CNTNAP2: variants seen among roughly 807,000 people sequenced by gnomAD.
CNTNAP2 encodes the protein contactin associated protein 2.
A neutral mutation model predicts 155.2 loss-of-function variants in CNTNAP2; 98 were observed. That is an observed-to-expected ratio of 0.63 (90% CI 0.54 to 0.75). The LOEUF (loss-of-function observed/expected upper bound fraction) is 0.75. Ranked by LOEUF, CNTNAP2 falls within the 30% of genes least tolerant of loss-of-function variation. CNTNAP2 has a pLI of 0.00. For synonymous variants in CNTNAP2, 651 were observed against 631.2 expected, an observed-to-expected ratio of 1.03 and a Z score of -0.47; for missense variants, 1,727 against 1,688.1, an observed-to-expected ratio of 1.02 and a Z score of -0.40.
intron 9 of CNTNAP2, among the ~76,000 whole-genome samples, chr7:147,337,889 C>A (rs1361722722): frequency 6.6e-6 from 1 of 152,090 alleles, no homozygotes; most frequent in Non-Finnish European, 1.5e-5. Flanking sequence ...ATAGTTGACC[C>A]CTGACCTTAC....
intron 1 of CNTNAP2, among the ~76,000 whole-genome samples, chr7:146,419,206 G>T (rs1795977458): frequency 6.6e-6 from 1 of 152,052 alleles, no homozygotes; most frequent in African/African-American, 2.4e-5. Flanking sequence ...GCTAATGAAA[G>T]CTAAACAAAA....
chr7:147,487,136 A>G (rs1798524007), intron 11 of CNTNAP2, among the ~76,000 whole-genome samples: 1 of 152,182 alleles, frequency 6.6e-6, no homozygotes, highest in Non-Finnish European at 1.5e-5. Context: ...GTAATGTGCA[A>G]GAAGAAATCG....
intron 13 of CNTNAP2, among the ~76,000 whole-genome samples, chr7:147,882,195 T>C (rs1253612018): frequency 6.6e-6 from 1 of 151,840 alleles, no homozygotes; most frequent in African/African-American, 2.4e-5. Flanking sequence ...ACAGAGATCA[T>C]CAAAGTCCAT....
At chr7:146,479,046 G>C (rs1233579574) in intron 1 of CNTNAP2, among the ~76,000 whole-genome samples, 1 of 152,090 alleles carries the variant, frequency 6.6e-6, no homozygotes, top group Non-Finnish European at 1.5e-5. Context: ...TACAATAAAA[G>C]AACTTATTTC....
rs762223005 is a variant in CNTNAP2, at chr7:146,774,331, C to G, written c.158C>G (p.Ser53Cys). The G allele has an allele frequency of 1.9e-6, 3 of 1,613,898 alleles. No homozygotes were observed. Among genetic ancestry groups the G allele is most frequent in the African/African-American group, 1.3e-5 (1 of 74,910 alleles). ...LPHVAFSSSS[S>C]ISGSYSPGYA... The stretch of plus-strand genomic sequence containing the variant: ...CATGTGGCTTTCAGCAGCTCCTCCT[C>G]CATCTCTGGTAGCTATTCTCCCGGC... The change falls in exon 2 of 24, where the codon TCC becomes TGC. Residue 53 changes from serine to cysteine, a missense_variant. Transcript: ENST00000361727.
chr7:147,560,577 G>A (rs909836468), intron 11 of CNTNAP2, among the ~76,000 whole-genome samples: 2 of 152,002 alleles, frequency 1.3e-5, no homozygotes, highest in Non-Finnish European at 2.9e-5. Context: ...GAGCTTTCTA[G>A]CCCCATCCTC....
intron 13 of CNTNAP2, among the ~76,000 whole-genome samples, chr7:147,766,416 T>C (rs1162495585): frequency 6.6e-6 from 1 of 152,176 alleles, no homozygotes; most frequent in African/African-American, 2.4e-5. Context: ...CCTTTAGACC[T>C]ATTGAGTAAT....
chr7:146,268,233 G>C (rs539087201), intron 1 of CNTNAP2, among the ~76,000 whole-genome samples: 4 of 152,270 alleles, frequency 2.6e-5, no homozygotes, highest in Admixed American at 2.6e-4. Context: ...GGAAAGCTCT[G>C]ACCATTAGTC....
intron 13 of CNTNAP2, among the ~76,000 whole-genome samples, chr7:147,698,545 T>G (rs1796193123): frequency 6.6e-6 from 1 of 152,178 alleles, no homozygotes; most frequent in Admixed American, 6.5e-5. Context: ...ACTGCTACAT[T>G]TTATTATTTA....
At position 146,236,738 on chromosome 7, in the gene CNTNAP2, A is replaced by T. The variant is rs539984784; in HGVS notation, c.97+119765A>T. 2.0e-5 allele frequency among the ~76,000 whole-genome samples: 3 copies of T among 152,220 alleles called. No individual in the cohort carries two copies. In the East Asian group the frequency reaches 5.8e-4, roughly 29 times the overall value. ...GGGAAGCTTCTGATCCCTTGATATG[A>T]TTATATCTATATATCAAATTCCATA... On this transcript the variant is annotated intron_variant, in intron 1 of 23. Coordinates refer to ENST00000361727, the MANE Select transcript of CNTNAP2 (RefSeq NM_014141.6).
chr7:146,779,632 C>T (rs981101110), intron 2 of CNTNAP2, among the ~76,000 whole-genome samples: 1 of 152,142 alleles, frequency 6.6e-6, no homozygotes, highest in Non-Finnish European at 1.5e-5. Context: ...TTCTTTTCAC[C>T]TTCCTGCCAC....
intron 9 of CNTNAP2, among the ~76,000 whole-genome samples, chr7:147,352,394 G>T (rs1795982599): frequency 6.6e-6 from 1 of 151,864 alleles, no homozygotes; most frequent in African/African-American, 2.4e-5. Context: ...TTAATTAACA[G>T]TTCTTGTTAA....
At chr7:147,167,951 TTATA>T (rs1246328291) in intron 8 of CNTNAP2, among the ~76,000 whole-genome samples, 3 of 150,716 alleles carry the variant, frequency 2.0e-5, no homozygotes, top group Non-Finnish European at 4.4e-5. Context: ...TATATTTACA[TTATA>T]TGTGTATATA....
intron 4 of CNTNAP2, among the ~76,000 whole-genome samples, chr7:147,098,104 G>A (rs1800581126): frequency 6.6e-6 from 1 of 152,116 alleles, no homozygotes; most frequent in South Asian, 2.1e-4. Context: ...AAGAACATCA[G>A]CTCGTTTGAG....
intron 1 of CNTNAP2, among the ~76,000 whole-genome samples, chr7:146,146,371 A>T (rs1402877199): frequency 6.6e-6 from 1 of 152,162 alleles, no homozygotes; most frequent in East Asian, 1.9e-4. Flanking sequence ...AGCCATAGGA[A>T]GTTCGCCATT....
chr7:146,913,966 C>G (rs1451712488), intron 3 of CNTNAP2, among the ~76,000 whole-genome samples: 1 of 152,034 alleles, frequency 6.6e-6, no homozygotes. Flanking sequence ...TTTGCATCCT[C>G]ACAGCTTAGC....
At chr7:146,514,599 A>T (rs1001333048) in intron 1 of CNTNAP2, among the ~76,000 whole-genome samples, 8 of 151,388 alleles carry the variant, frequency 5.3e-5, no homozygotes, top group African/African-American at 1.9e-4. Flanking sequence ...CTATTTGTTG[A>T]ATTTCTGTAA....
chr7:146,748,143 C>CTTTTCTTTTTT (rs60181692), intron 1 of CNTNAP2, among the ~76,000 whole-genome samples: 11 of 97,996 alleles, frequency 1.1e-4, no homozygotes, highest in East Asian at 1.0e-3. Context: ...CTTTTCTTTT[C>CTTTTCTTTTTT]TTTTTTTTTT....
chr7:147,233,296 G>A (rs919174487), intron 8 of CNTNAP2, among the ~76,000 whole-genome samples: 3 of 152,128 alleles, frequency 2.0e-5, no homozygotes, highest in Non-Finnish European at 4.4e-5. Context: ...GATGGACAGG[G>A]TGATCCCTAG....
Sources: gnomAD v4.1 joint callset for allele counts (sites outside exome capture counted in the v4.1 genomes callset) on GRCh38, gnomAD v4.1.1 for gene constraint, MANE v1.5 for transcripts, NCBI Gene and HGNC (gene_info 2026-07-23, HGNC 2026-07-21) for gene names.